The following WDR25 variants were observed in gnomAD, a reference collection of about 807,000 sequenced individuals.
WDR25 encodes WD repeat domain 25.
WDR25 carries 35 observed loss-of-function variants against 47.7 expected under a neutral mutation model. The observed-to-expected ratio is 0.73, with a 90% CI of 0.56 to 0.97. WDR25 has a LOEUF of 0.97. WDR25 is among the 50% of genes least tolerant of loss of function. The pLI, the probability that WDR25 is intolerant of heterozygous loss-of-function variation, is 0.00. For missense variants in WDR25, 634 were observed against 704.7 expected, an observed-to-expected ratio of 0.90 and a Z score of 1.14; for synonymous variants, 248 against 278.9, an observed-to-expected ratio of 0.89 and a Z score of 1.10.
chr14:100,525,931 G>C lies in WDR25; in HGVS notation c.1163G>C (p.Gly388Ala), dbSNP rs767197379. Residue 388 changes from glycine (G) to alanine (A), a missense_variant, in exon 5 of 7, where the codon GGC (glycine) becomes GCC (alanine). By Grantham distance (60) the Gly-to-Ala change is moderately conservative. Coordinates refer to ENST00000402312, the MANE Select transcript of WDR25 (RefSeq NM_001161476.3). The surrounding 1 kb of genome is among the most constrained non-coding windows in gnomAD (Gnocchi z 4.6). ...QTLDILFLRE[G>A]SEFLSSTDAS... ...TTGGACATCCTGTTCCTCCGGGAAGGCTCCGAGTTCCTGAGCAGCACAGAC... is the reference window on the plus strand; with the variant it reads ...TTGGACATCCTGTTCCTCCGGGAAGCCTCCGAGTTCCTGAGCAGCACAGAC... The C allele has an allele frequency of 7.4e-6, 12 of 1,613,854 alleles. No individual in the cohort carries two copies. Among genetic ancestry groups the C allele is most frequent in the South Asian group, 5.5e-5 (5 of 91,080 alleles).
At position 100,392,418 on chromosome 14, in the gene WDR25, TC is replaced by T. The variant is rs1277436501; in HGVS notation, c.822+10674del. Among the ~76,000 whole-genome samples the T allele has an allele frequency of 1.3e-5, 2 of 151,622 alleles. No individual in the cohort carries two copies. The highest frequency in any genetic ancestry group is 6.6e-5 in the Admixed American group (1 of 15,206). On this transcript the variant is annotated intron_variant, in intron 2 of 6. Transcript: ENST00000402312. This position sits in a 1 kb window ranked among gnomAD's most constrained non-coding sequence, Gnocchi z 4.2. ...TGTGATGAAAACGTGATCCCAGGGG[TC>T]CAAGCCTCTGTCACCCTCTTGCCCC...
rs7141382 is a variant in WDR25, at chr14:100,430,807, G to C, written c.823-37214G>C. The stretch of plus-strand genomic sequence containing the variant: ...GCTTCGTGCTCCCCAGCCTGGCAAC[G>C]TGGACATTTCTGGCTGTCGAGAAGG... On this transcript the variant is annotated intron_variant, in intron 2 of 6. Coordinates refer to ENST00000402312, the MANE Select transcript of WDR25 (RefSeq NM_001161476.3). This position sits in a 1 kb window ranked among gnomAD's most constrained non-coding sequence, Gnocchi z 4.7. 4.9e-3 allele frequency among the ~76,000 whole-genome samples: 748 copies of C among 152,324 alleles called. 10 individuals are homozygous for C. Among genetic ancestry groups the C allele is most frequent in the African/African-American group, 0.017 (703 of 41,568 alleles).
At chr14:100,460,364 G>A (rs898292538) in intron 2 of WDR25, among the ~76,000 whole-genome samples, 4 of 151,916 alleles carry the variant, frequency 2.6e-5, no homozygotes, top group Admixed American at 6.6e-5. Flanking sequence ...CGCCTGCCTC[G>A]GCCTCCCAAA....
chr14:100,378,077 C>T (rs1397052247), intron 1 of WDR25, among the ~76,000 whole-genome samples: 1 of 152,134 alleles, frequency 6.6e-6, no homozygotes, highest in Admixed American at 6.5e-5. Context: ...GTGCTTGGTG[C>T]TAACAGCACA....
rs190176444 is a variant in WDR25 at position 100,417,425 on chromosome 14, T to C, written c.822+35679T>C. Among the ~76,000 whole-genome samples the C allele has an allele frequency of 2.4e-3, 370 of 152,290 alleles. 2 individuals are homozygous for C. Among genetic ancestry groups the C allele is most frequent in the Non-Finnish European group, 3.3e-3 (224 of 68,014 alleles). ...GCGAGGGTGCAGGGAGATGGAGCCA[T>C]GTGTGGGGCCAGGCTCTTTCCCATG... On this transcript the variant is annotated intron_variant, in intron 2 of 6. Coordinates refer to ENST00000402312, the MANE Select transcript of WDR25 (RefSeq NM_001161476.3).
At chr14:100,453,134 A>G (rs924930832) in intron 2 of WDR25, among the ~76,000 whole-genome samples, 4 of 152,014 alleles carry the variant, frequency 2.6e-5, no homozygotes, top group African/African-American at 9.7e-5. Context: ...TCAGTGGGGA[A>G]CTCACCACGA....
rs1165855445 is a variant in WDR25, at chr14:100,459,934, A to AT, written c.823-8086dup. 3.6e-5 allele frequency among the ~76,000 whole-genome samples: 4 copies of AT among 110,068 alleles called. No individual in the cohort carries two copies. The South Asian group carries it at 1.1e-3, about 30-fold the overall frequency. 72.2% of individuals were successfully genotyped at this position (110,068 alleles called of 152,430 possible). A position where few individuals can be genotyped will look rare whatever the true frequency, so the allele number is the denominator to read the frequency against. ...TATATATATATATATATATATATAT[A>AT]TATATACACATACACATACACACAC... On this transcript the variant is annotated intron_variant, in intron 2 of 6. Transcript: ENST00000402312.
At chr14:100,402,139 T>C (rs1300710468) in intron 2 of WDR25, among the ~76,000 whole-genome samples, 1 of 152,214 alleles carries the variant, frequency 6.6e-6, no homozygotes, top group Non-Finnish European at 1.5e-5. Context: ...AGGTGAATTA[T>C]TATTCTACCC....
chr14:100,381,206 G>T lies in WDR25; in HGVS notation c.282G>T (p.Gln94His). ...GRSDWGSCPS[Q>H]RLQWPGKEPQ... is the part of the protein sequence containing the mutation. ...GCGATTGGGGATCTTGCCCCAGCCA[G>T]AGGCTACAGTGGCCCGGGAAGGAGC... Residue 94 changes from glutamine to histidine, a missense_variant, in exon 2 of 7, where the codon CAG becomes CAT. Gln to His is a conservative substitution (Grantham distance 24, BLOSUM62 0). Coordinates refer to ENST00000402312, the MANE Select transcript of WDR25 (RefSeq NM_001161476.3). The T allele has an allele frequency of 6.2e-7, 1 of 1,614,078 alleles. No individual in the cohort carries two copies. Among genetic ancestry groups the T allele is most frequent in the South Asian group, 1.1e-5 (1 of 91,072 alleles).
intron 2 of WDR25, among the ~76,000 whole-genome samples, chr14:100,463,171 T>C (rs1899485700): frequency 6.8e-6 from 1 of 147,838 alleles, no homozygotes; most frequent in African/African-American, 2.5e-5. Context: ...CATCACTCCT[T>C]CTCTCCCTTC....
chr14:100,503,910 C>T (rs1901027524), intron 4 of WDR25: 1 of 152,172 alleles, frequency 6.6e-6, no homozygotes, highest in Non-Finnish European at 1.5e-5. Flanking sequence ...CTAATTCCTC[C>T]CCTCAGAGCA....
intron 2 of WDR25, among the ~76,000 whole-genome samples, chr14:100,412,384 C>G (rs1274982599): frequency 6.6e-6 from 1 of 152,062 alleles, no homozygotes; most frequent in East Asian, 1.9e-4. Flanking sequence ...CTCAAGGGTT[C>G]CCTTTAGTAG....
At position 100,529,328 on chromosome 14, in the gene WDR25, T is replaced by C; in HGVS notation, c.1413+120T>C. 2 of 1,464,224 alleles carry C rather than the reference T, an allele frequency of 1.4e-6. No individual in the cohort carries two copies. Among genetic ancestry groups the C allele is most frequent in the South Asian group, 2.4e-5 (2 of 81,748 alleles). 90.7% of individuals were successfully genotyped at this position (1,464,224 alleles called of 1,614,324 possible). On this transcript the variant is annotated intron_variant, in intron 6 of 6. Coordinates refer to ENST00000402312, the MANE Select transcript of WDR25 (RefSeq NM_001161476.3). This position sits in a 1 kb window ranked among gnomAD's most constrained non-coding sequence, Gnocchi z 5.1. Reference sequence around the variant, plus strand: ...GTCTGGGTGGATCCTGCTTTCTGTTTCCTGGGTGAGCGCATGCCATGTGGC... The same window carrying C: ...GTCTGGGTGGATCCTGCTTTCTGTTCCCTGGGTGAGCGCATGCCATGTGGC...
At chr14:100,444,797 C>T (rs184503990) in intron 2 of WDR25, among the ~76,000 whole-genome samples, 2 of 152,200 alleles carry the variant, frequency 1.3e-5, no homozygotes, top group East Asian at 1.9e-4. Flanking sequence ...TGGTGTGTAC[C>T]GACACTGCGC....
intron 2 of WDR25, among the ~76,000 whole-genome samples, chr14:100,393,248 A>G (rs1897183095): frequency 6.6e-6 from 1 of 152,390 alleles, no homozygotes; most frequent in African/African-American, 2.4e-5. Context: ...TGACAACTGT[A>G]GGGAAAATGA....
At chr14:100,394,762 G>A (rs899129493) in intron 2 of WDR25, among the ~76,000 whole-genome samples, 1 of 152,196 alleles carries the variant, frequency 6.6e-6, no homozygotes, top group Non-Finnish European at 1.5e-5. Context: ...TTGGGTCTTA[G>A]AAGATGAGGA....
At chr14:100,518,892 T>C (rs866433826) in intron 4 of WDR25, among the ~76,000 whole-genome samples, 14 of 149,390 alleles carry the variant, frequency 9.4e-5, no homozygotes, top group African/African-American at 3.0e-4. Flanking sequence ...AGACTTCATC[T>C]CTAAAAAAAA....
chr14:100,517,498 ATTT>A (rs1317172241), intron 4 of WDR25, among the ~76,000 whole-genome samples: 2 of 152,062 alleles, frequency 1.3e-5, no homozygotes, highest in East Asian at 3.8e-4. Context: ...TACATGCCTA[ATTT>A]TTCACAATTC....
chr14:100,433,855 T>C (rs1454031363), intron 2 of WDR25, among the ~76,000 whole-genome samples: 1 of 152,242 alleles, frequency 6.6e-6, no homozygotes, highest in Non-Finnish European at 1.5e-5. Context: ...GGCTCACTTA[T>C]TCTTTTCCTG....
Sources: allele counts gnomAD v4.1 joint callset (sites outside exome capture counted in the v4.1 genomes callset), GRCh38; gene constraint gnomAD v4.1.1; non-coding constraint Gnocchi (gnomAD v3.1); transcripts MANE v1.5; gene names NCBI Gene and HGNC (gene_info 2026-07-23, HGNC 2026-07-21).